The following PAH variants were observed in gnomAD, a reference collection of about 807,000 sequenced individuals.
PAH encodes phenylalanine-4-hydroxylase.
Under a neutral mutation model 62.0 loss-of-function variants are expected in PAH, and 64 were observed. The ratio of observed to expected loss-of-function variants is 1.03; its 90% CI spans 0.84 to 1.27. The LOEUF (loss-of-function observed/expected upper bound fraction) is 1.27. Ranked by LOEUF, PAH falls within the 50% of genes most tolerant of loss-of-function variation. The probability of loss-of-function intolerance (pLI) is 0.00; values close to 1 mark genes in which losing one functional copy is unlikely to be tolerated. For synonymous variants in PAH, 195 were observed against 196.2 expected (o/e 0.99, Z 0.05); for missense variants, 579 against 542.8 (o/e 1.07, Z -0.66).
intron 8 of PAH, among the ~76,000 whole-genome samples, chr12:102,848,348 A>G (rs1412880009): frequency 1.1e-5 from 1 of 89,318 alleles, no homozygotes; most frequent in Non-Finnish European, 2.1e-5. Context: ...GGATACCAGG[A>G]GACTGAAGAG....
rs376247969 is a variant in PAH, at chr12:102,935,652, T to C, written c.-96+14937A>G. ...TTATGTATCTAGGAATGTATCCATT[T>C]CTTCTAGGTTTTCCAATTTAGTGGT... On this transcript the variant is annotated intron_variant, in intron 1 of 3. Coordinates refer to the PAH transcript ENST00000546844. Among the ~76,000 whole-genome samples the C allele has an allele frequency of 5.9e-5, 9 of 152,130 alleles. No homozygotes were observed. The East Asian group carries it at 1.2e-3, about 20-fold the overall frequency.
At chr12:102,904,641 A>G (rs2136715821) in intron 2 of PAH, 2 of 349,438 alleles carry the variant, frequency 5.7e-6, no homozygotes, top group South Asian at 4.9e-5. Context: ...GCTCTAAAGT[A>G]TAGTCTAGAT....
At chr12:102,858,088 G>A (rs569012934) in intron 5 of PAH, among the ~76,000 whole-genome samples, 60 of 152,246 alleles carry the variant, frequency 3.9e-4, no homozygotes, top group Admixed American at 7.8e-4. Flanking sequence ...CCCATCTCAC[G>A]TGCAGAGACA....
At chr12:102,928,648 G>A (rs912786154) in intron 1 of PAH, among the ~76,000 whole-genome samples, 1 of 152,104 alleles carries the variant, frequency 6.6e-6, no homozygotes, top group Admixed American at 6.6e-5. Flanking sequence ...AATTTTGGAG[G>A]CACATATTCT....
intron 4 of PAH, among the ~76,000 whole-genome samples, chr12:102,866,933 A>G (rs1026567611): frequency 6.6e-6 from 1 of 152,238 alleles, no homozygotes; most frequent in African/African-American, 2.4e-5. Flanking sequence ...CATCTACAGC[A>G]TATCTGACTG....
At chr12:102,867,562 A>G (rs1876031587) in intron 4 of PAH, among the ~76,000 whole-genome samples, 1 of 152,170 alleles carries the variant, frequency 6.6e-6, no homozygotes, top group Non-Finnish European at 1.5e-5. Context: ...TCATTTCCGT[A>G]GAACTCTGCT....
intron 5 of PAH, among the ~76,000 whole-genome samples, chr12:102,858,660 T>G (rs1592956798): frequency 6.6e-6 from 1 of 152,112 alleles, no homozygotes; most frequent in Non-Finnish European, 1.5e-5. Flanking sequence ...GAGCTCAGGA[T>G]TAAGAAACTC....
chr12:102,843,568 C>T, intron 11 of PAH, 78 bp downstream of exon 11: 1 of 1,513,552 alleles, frequency 6.6e-7, no homozygotes, highest in Non-Finnish European at 9.2e-7. Flanking sequence ...GTCCACTCTC[C>T]TGGCCAACCA....
chr12:102,843,526 G>A, intron 11 of PAH, 120 bp downstream of exon 11: 1 of 1,000,812 alleles, frequency 1.0e-6, no homozygotes, highest in Non-Finnish European at 1.6e-6. Context: ...GAGAGAAACT[G>A]TCTATGGTAC....
At position 102,837,047 on chromosome 12, in the gene PAH, T is replaced by C. The variant is rs1160434733; in HGVS notation, c.*2128A>G. 2 of 152,246 alleles carry C rather than the reference T, an allele frequency of 1.3e-5. No homozygotes were observed. Among genetic ancestry groups the C allele is most frequent in the African/African-American group, 4.8e-5 (2 of 41,456 alleles). 9.4% of individuals were successfully genotyped at this position (152,246 alleles called of 1,614,324 possible). ...ATTTTTTATGTATTTATTTTGATTG[T>C]ACTCAGCAAGATCATCTGTCAGTAA... On this transcript the variant is annotated 3_prime_UTR_variant, in exon 13 of 13. Coordinates refer to ENST00000553106, the MANE Select transcript of PAH (RefSeq NM_000277.3).
upstream of PAH, among the ~76,000 whole-genome samples, chr12:102,951,058 T>TGG (rs5800546): frequency 1.2e-4 from 18 of 150,634 alleles, no homozygotes; most frequent in Middle Eastern, 3.4e-3. Context: ...AGTTTGTGCG[T>TGG]GGGGGGGGAA....
At position 102,844,381 on chromosome 12, in the gene PAH, T is replaced by C. The variant is rs1310594352; in HGVS notation, c.1020A>G (p.Ile340Met). Residue 340 changes from isoleucine to methionine, a missense_variant, in exon 10 of 13, where the codon ATA becomes ATG. Transcript: ENST00000553106. ...ACAGGAGCCCAGCACCATATGCCTT[T>C]ATGGAGTCTCCTTGTTTGCAGAGCC... ...EFGLCKQGDS[I>M]KAYGAGLLSS... The C allele has an allele frequency of 6.2e-7, 1 of 1,613,870 alleles. No individual in the cohort carries two copies.
At chr12:102,891,800 G>A (rs533787708) in intron 3 of PAH, among the ~76,000 whole-genome samples, 2 of 152,130 alleles carry the variant, frequency 1.3e-5, no homozygotes, top group Admixed American at 6.5e-5. Context: ...TCTCCAGCTG[G>A]TTTACTATAT....
exon 1 of PAH, chr12:102,958,272 G>A (rs1879991869): frequency 2.0e-6 from 3 of 1,474,638 alleles, no homozygotes; most frequent in South Asian, 1.3e-5. Flanking sequence ...GATGGAGAGC[G>A]GCGGCGCCGG....
chr12:102,936,268 T>C (rs529157316), intron 1 of PAH, among the ~76,000 whole-genome samples: 5 of 152,308 alleles, frequency 3.3e-5, no homozygotes, highest in African/African-American at 1.2e-4. Context: ...ATCTCAATTT[T>C]TGAACTTTTT....
At chr12:102,858,609 A>T (rs2264807) in intron 5 of PAH, among the ~76,000 whole-genome samples, 97,493 of 152,032 alleles carry the variant, frequency 0.64, 32,623 homozygotes, top group African/African-American at 0.78. Context: ...AGAACAGAAA[A>T]TATAACAAAC....
intron 8 of PAH, among the ~76,000 whole-genome samples, chr12:102,851,104 GAAAGAA>G (rs869066889): frequency 7.7e-6 from 1 of 129,602 alleles, no homozygotes; most frequent in African/African-American, 2.9e-5. Flanking sequence ...AAAAAAAAAA[GAAAGAA>G]AAAGAAAAAG....
rs147583888 is a variant in PAH at position 102,854,656 on chromosome 12, T to C, written c.706+480A>G. On this transcript the variant is annotated intron_variant, in intron 6 of 12. Transcript: ENST00000553106. ...GTGTCCATTTGACAGATGACAAAAC[T>C]GAGGCAGGTTTACTCAGCTGGAGAG... 2.5e-3 allele frequency: 550 copies of C among 220,670 alleles called. 3 individuals are homozygous for C. The highest frequency in any genetic ancestry group is 0.012 in the African/African-American group (510 of 43,462). The allele number at this position is 220,670 out of a possible 1,614,324, so 13.7% of individuals were successfully genotyped here.
chr12:102,871,525 C>T (rs1340637519), intron 4 of PAH, among the ~76,000 whole-genome samples: 1 of 152,126 alleles, frequency 6.6e-6, no homozygotes, highest in Non-Finnish European at 1.5e-5. Flanking sequence ...CAGATGGTCT[C>T]ACATATGTTA....
Sources: gnomAD v4.1 joint callset for allele counts (sites outside exome capture counted in the v4.1 genomes callset) on GRCh38, gnomAD v4.1.1 for gene constraint, MANE v1.5 for transcripts, NCBI Gene and HGNC (gene_info 2026-07-23, HGNC 2026-07-21) for gene names.